CTNNA3: variants seen among roughly 807,000 people sequenced by gnomAD.
CTNNA3 encodes catenin alpha 3, also known as catenin alpha-3.
CTNNA3 carries 76 observed loss-of-function variants against 95.7 expected under a neutral mutation model. The ratio of observed to expected loss-of-function variants is 0.79; its 90% CI spans 0.66 to 0.96. The LOEUF (loss-of-function observed/expected upper bound fraction) is 0.96, where lower values mean the gene tolerates loss of function less well. Among genes scored for constraint, CTNNA3 ranks in the 40% least tolerant of loss-of-function variants. The pLI, the probability that CTNNA3 is intolerant of heterozygous loss-of-function variation, is 0.00. For synonymous variants in CTNNA3, 431 were observed against 374.4 expected, an observed-to-expected ratio of 1.15 and a Z score of -1.74; for missense variants, 1,191 against 1,089.8, an observed-to-expected ratio of 1.09 and a Z score of -1.31.
intron 13 of CTNNA3, 137 bp from the exon 14 acceptor site, chr10:66,103,386 A>C: frequency 1.5e-6 from 1 of 662,976 alleles, no homozygotes; most frequent in Non-Finnish European, 2.7e-6. Flanking sequence ...TTATATACTC[A>C]AGAGAAAGGA....
intron 7 of CTNNA3, among the ~76,000 whole-genome samples, chr10:67,120,280 T>C (rs920261730): frequency 6.6e-6 from 1 of 151,978 alleles, no homozygotes; most frequent in Non-Finnish European, 1.5e-5. Flanking sequence ...CTTGTTAGTT[T>C]GATCAAAAAT....
At chr10:67,641,159 G>GA (rs1332499696) in intron 2 of CTNNA3, among the ~76,000 whole-genome samples, 3 of 151,520 alleles carry the variant, frequency 2.0e-5, no homozygotes, top group East Asian at 1.9e-4. Flanking sequence ...AAATTTACAA[G>GA]AAAAAAAACA....
chr10:67,756,132 G>A (rs1357287962), intron 1 of CTNNA3, among the ~76,000 whole-genome samples: 1 of 152,114 alleles, frequency 6.6e-6, no homozygotes, highest in East Asian at 1.9e-4. Context: ...AAGATAGAGA[G>A]TAGACTGGTG....
chr10:67,074,928 C>A (rs904880551), intron 7 of CTNNA3, among the ~76,000 whole-genome samples: 1 of 152,110 alleles, frequency 6.6e-6, no homozygotes, highest in Non-Finnish European at 1.5e-5. Context: ...AGACATCATG[C>A]TGAAAATGGG....
intron 5 of CTNNA3, among the ~76,000 whole-genome samples, chr10:67,246,550 G>A (rs1865917311): frequency 6.6e-6 from 1 of 152,076 alleles, no homozygotes; most frequent in South Asian, 2.1e-4. Flanking sequence ...TTGACTTTAT[G>A]ACTAAACATA....
At chr10:66,204,040 T>C (rs1482155309) in intron 13 of CTNNA3, among the ~76,000 whole-genome samples, 1 of 152,126 alleles carries the variant, frequency 6.6e-6, no homozygotes. Context: ...CACATTGTCA[T>C]CTTTATTTTT....
intron 7 of CTNNA3, among the ~76,000 whole-genome samples, chr10:66,978,371 C>CA (rs1850185912): frequency 6.6e-6 from 1 of 150,566 alleles, no homozygotes; most frequent in Non-Finnish European, 1.5e-5. Flanking sequence ...ACTAAAAATA[C>CA]AAAAAACTAG....
chr10:66,458,393 CTT>C (rs1399018524), intron 11 of CTNNA3, among the ~76,000 whole-genome samples: 2 of 152,112 alleles, frequency 1.3e-5, no homozygotes, highest in Non-Finnish European at 2.9e-5. Context: ...AAGTGTTAAA[CTT>C]ATATTTTCTT....
At chr10:66,375,365 TG>T (rs1208480924) in intron 12 of CTNNA3, among the ~76,000 whole-genome samples, 14 of 152,052 alleles carry the variant, frequency 9.2e-5, no homozygotes, top group Non-Finnish European at 1.6e-4. Context: ...GTAGAGACCA[TG>T]GCCAAGGCTC....
chr10:66,116,214 G>C (rs1340117049), intron 13 of CTNNA3, among the ~76,000 whole-genome samples: 1 of 152,212 alleles, frequency 6.6e-6, no homozygotes, highest in Non-Finnish European at 1.5e-5. Flanking sequence ...CATGGCAAAT[G>C]CATTGTGCTG....
intron 6 of CTNNA3, 65 bp from the exon 7 acceptor site, chr10:67,180,585 G>A (rs893345471): frequency 2.0e-5 from 27 of 1,348,752 alleles, no homozygotes; most frequent in African/African-American, 5.8e-5. Flanking sequence ...AAAAACAAAT[G>A]TTATTTTGTT....
At chr10:66,084,154 A>AAAAAAAAAAAAAAAAAAAAAG (rs1564627073) in intron 14 of CTNNA3, among the ~76,000 whole-genome samples, 4 of 141,342 alleles carry the variant, frequency 2.8e-5, no homozygotes, top group African/African-American at 5.1e-5. Flanking sequence ...AAAAGAAAAA[A>AAAAAAAAAAAAAAAAAAAAAG]AAAGAAAAAG....
intron 1 of CTNNA3, among the ~76,000 whole-genome samples, chr10:67,678,935 TCTC>T (rs1840579440): frequency 6.6e-6 from 1 of 151,832 alleles, no homozygotes; most frequent in South Asian, 2.1e-4. Context: ...AAGGTACAAG[TCTC>T]CTCCTCCCCC....
chr10:66,720,138 T>C (rs747168372), intron 9 of CTNNA3, among the ~76,000 whole-genome samples: 5 of 152,004 alleles, frequency 3.3e-5, no homozygotes, highest in Non-Finnish European at 7.4e-5. Flanking sequence ...CTCACGATGC[T>C]AAGGAAAATA....
chr10:66,130,466 C>A (rs2083035617), intron 13 of CTNNA3, among the ~76,000 whole-genome samples: 1 of 150,324 alleles, frequency 6.7e-6, no homozygotes. Context: ...AAACTGCTAG[C>A]TAGACTAATG....
At chr10:67,693,581 G>T (rs1840910376) in intron 1 of CTNNA3, among the ~76,000 whole-genome samples, 1 of 152,028 alleles carries the variant, frequency 6.6e-6, no homozygotes, top group Non-Finnish European at 1.5e-5. Flanking sequence ...TGTAGCTATG[G>T]TTTTTCTCTA....
At position 66,775,489 on chromosome 10, in the gene CTNNA3, A is replaced by G. The variant is rs1237057777; in HGVS notation, c.1083T>C (p.Ile361=). The G allele has an allele frequency of 3.7e-6, 6 of 1,611,816 alleles. No individual in the cohort carries two copies. The highest frequency in any genetic ancestry group is 2.2e-5 in the East Asian group (1 of 44,766). The change falls in exon 8 of 18, where the codon ATT becomes ATC. Residue 361 remains isoleucine (I), a synonymous_variant. Transcript: ENST00000433211. Reference sequence around the variant, plus strand: ...TCTTCTTACACATGTTGTCTAAAGCAATATTCAGGGTATTACTCCTTTCTT... The same window carrying G: ...TCTTCTTACACATGTTGTCTAAAGCGATATTCAGGGTATTACTCCTTTCTT... ...GKKERSNTLN[I]ALDNMCKKTR... is the part of the protein sequence containing the mutation.
intron 2 of CTNNA3, among the ~76,000 whole-genome samples, chr10:67,639,665 A>G (rs917100225): frequency 5.3e-5 from 8 of 152,274 alleles, no homozygotes; most frequent in Admixed American, 2.0e-4. Flanking sequence ...ACCATGATCT[A>G]GTGGGCTTCA....
At chr10:67,479,191 A>T (rs926378720) in intron 5 of CTNNA3, among the ~76,000 whole-genome samples, 3 of 152,304 alleles carry the variant, frequency 2.0e-5, no homozygotes, top group Middle Eastern at 3.4e-3. Context: ...TAGGCAGATC[A>T]CTGAGGCACC....
Sources: allele counts gnomAD v4.1 joint callset (sites outside exome capture counted in the v4.1 genomes callset), GRCh38; gene constraint gnomAD v4.1.1; transcripts MANE v1.5; gene names NCBI Gene and HGNC (gene_info 2026-07-23, HGNC 2026-07-21).